DNAL4: variants seen among roughly 807,000 people sequenced by gnomAD.
DNAL4 encodes the protein dynein axonemal light chain 4.
In DNAL4, 10 loss-of-function variants were observed where a neutral mutation model predicts 12.6. The ratio of observed to expected loss-of-function variants is 0.79; its 90% CI spans 0.49 to 1.34. The LOEUF (loss-of-function observed/expected upper bound fraction) is 1.34, where lower values mean the gene tolerates loss of function less well. Ranked by LOEUF, DNAL4 falls within the 40% of genes most tolerant of loss-of-function variation. The probability of loss-of-function intolerance (pLI) is 0.00; values close to 1 mark genes in which losing one functional copy is unlikely to be tolerated. For missense variants in DNAL4, 128 were observed against 138.1 expected (o/e 0.93, Z 0.37); for synonymous variants, 46 against 53.1 (o/e 0.87, Z 0.58).
intron 3 of DNAL4, 49 bp downstream of exon 3, chr22:38,780,877 C>T: frequency 6.3e-7 from 1 of 1,596,068 alleles, no homozygotes; most frequent in South Asian, 1.1e-5. Flanking sequence ...TTTATTCACC[C>T]ACAGGGGCCA....
intron 1 of DNAL4, among the ~76,000 whole-genome samples, chr22:38,787,085 C>T (rs1384855059): frequency 6.6e-6 from 1 of 152,078 alleles, no homozygotes; most frequent in African/African-American, 2.4e-5. Context: ...TACCACCCAC[C>T]ATGCACCTGA....
chr22:38,789,031 G>C (rs187352090), intron 1 of DNAL4, among the ~76,000 whole-genome samples: 66 of 152,248 alleles, frequency 4.3e-4, no homozygotes, highest in Non-Finnish European at 8.8e-5. Context: ...CATGGGAGGG[G>C]AGAGGACCTA....
intron 2 of DNAL4, among the ~76,000 whole-genome samples, chr22:38,781,278 C>CCGG (rs1232312055): frequency 6.6e-6 from 1 of 152,252 alleles, no homozygotes; most frequent in Admixed American, 6.5e-5. Context: ...GGGAAGAAAG[C>CCGG]CGGCTGAGGG....
chr22:38,781,174 C>A (rs1443364833), intron 2 of DNAL4, among the ~76,000 whole-genome samples, 165 bp from the exon 3 acceptor site: 1 of 152,244 alleles, frequency 6.6e-6, no homozygotes, highest in Non-Finnish European at 1.5e-5. Flanking sequence ...GCAGCTGGGG[C>A]AAAGGCATGG....
intron 1 of DNAL4, among the ~76,000 whole-genome samples, chr22:38,792,375 C>A (rs766033998): frequency 1.8e-4 from 27 of 152,180 alleles, no homozygotes; most frequent in African/African-American, 6.5e-4. Context: ...CTCCACCTCC[C>A]GGGTTCACGC....
intron 1 of DNAL4, among the ~76,000 whole-genome samples, chr22:38,784,426 G>C (rs1186665004): frequency 6.6e-6 from 1 of 151,966 alleles, no homozygotes; most frequent in Non-Finnish European, 1.5e-5. Context: ...GCATACATCA[G>C]CTGCCCACTG....
intron 1 of DNAL4, among the ~76,000 whole-genome samples, chr22:38,790,087 A>G (rs558628707): frequency 6.6e-6 from 1 of 152,168 alleles, no homozygotes; most frequent in South Asian, 2.1e-4. Flanking sequence ...TCCTGGACTC[A>G]AGTGATGCTC....
intron 1 of DNAL4, among the ~76,000 whole-genome samples, chr22:38,783,640 C>T (rs1031391302): frequency 6.6e-6 from 1 of 152,226 alleles, no homozygotes. Flanking sequence ...TGGGTCCTGT[C>T]CTGCTGGCCC....
At position 38,779,303 on chromosome 22, in the gene DNAL4, G is replaced by C; in HGVS notation, c.*146C>G. The C allele has an allele frequency of 9.4e-7, 1 of 1,068,150 alleles. No homozygotes were observed. 66.2% of individuals were successfully genotyped at this position (1,068,150 alleles called of 1,614,324 possible). A position where few individuals can be genotyped will look rare whatever the true frequency, so the allele number is the denominator to read the frequency against. On this transcript the variant is annotated 3_prime_UTR_variant, in exon 4 of 4. Transcript: ENST00000216068. The surrounding 1 kb of genome is among the most constrained non-coding windows in gnomAD (Gnocchi z 4.3). The stretch of plus-strand genomic sequence containing the variant: ...ATGGAGATGTCAAGTTCACACACTG[G>C]GCGTGGCTCAGGAAACTGGTACACA...
rs373776976 is a variant in DNAL4, at chr22:38,779,611, G to A, written c.156C>T (p.Ser52=). The change falls in exon 4 of 4, where the codon AGC becomes AGT. Residue 52 remains serine (S), a splice_region_variant and synonymous_variant. Transcript: ENST00000216068. The surrounding 1 kb of genome is among the most constrained non-coding windows in gnomAD (Gnocchi z 4.3). Reference sequence around the variant, plus strand: ...TTGTCTCTTTGATCATCTTGGCGGCGCTCTGGAAGGAAGAGGGCACTTATC... The same window carrying A: ...TTGTCTCTTTGATCATCTTGGCGGCACTCTGGAAGGAAGAGGGCACTTATC... ...ACEKFSNNNE[S]AAKMIKETMD... is the part of the protein sequence containing the mutation. 3.4e-5 allele frequency: 55 copies of A among 1,595,816 alleles called. No individual in the cohort carries two copies. In the East Asian group the frequency reaches 5.9e-4, roughly 17 times the overall value.
chr22:38,784,756 G>A (rs937474378), intron 1 of DNAL4, among the ~76,000 whole-genome samples: 4 of 151,978 alleles, frequency 2.6e-5, no homozygotes, highest in African/African-American at 4.8e-5. Context: ...CTCGTGATCC[G>A]CCCACCTCAG....
At chr22:38,784,982 C>CCG (rs1556022793) in intron 1 of DNAL4, among the ~76,000 whole-genome samples, 1 of 150,344 alleles carries the variant, frequency 6.7e-6, no homozygotes, top group Non-Finnish European at 1.5e-5. Flanking sequence ...CAGACCCCCC[C>CCG]CCCCATCCAA....
At chr22:38,781,234 A>G (rs1438927153) in intron 2 of DNAL4, among the ~76,000 whole-genome samples, 1 of 152,250 alleles carries the variant, frequency 6.6e-6, no homozygotes, top group Non-Finnish European at 1.5e-5. Context: ...CTGCAAGGGC[A>G]CGAAGCCAGC....
At chr22:38,783,553 T>C (rs896192872) in intron 1 of DNAL4, among the ~76,000 whole-genome samples, 1 of 152,240 alleles carries the variant, frequency 6.6e-6, no homozygotes, top group East Asian at 1.9e-4. Flanking sequence ...TTCAGGGGAA[T>C]GGGCACGGTG....
At chr22:38,789,437 G>A (rs554710359) in intron 1 of DNAL4, among the ~76,000 whole-genome samples, 68 of 151,990 alleles carry the variant, frequency 4.5e-4, no homozygotes, top group Admixed American at 3.7e-3. Flanking sequence ...CACCATACTC[G>A]GCTAATTTTT....
At position 38,778,979 on chromosome 22, in the gene DNAL4, C is replaced by A. The variant is rs1218197939; in HGVS notation, c.*470G>T. 1 of 153,050 alleles carries A rather than the reference C, an allele frequency of 6.5e-6. No individual in the cohort carries two copies. Among genetic ancestry groups the A allele is most frequent in the Non-Finnish European group, 1.5e-5 (1 of 68,632 alleles). The allele number at this position is 153,050 out of a possible 1,614,324, so 9.5% of individuals were successfully genotyped here. On this transcript the variant is annotated 3_prime_UTR_variant, in exon 4 of 4. Coordinates refer to ENST00000216068, the MANE Select transcript of DNAL4 (RefSeq NM_005740.3). ...CCTCCCCAGAGGACAAGGAGAGAAGCTGCCTGTGTCCCTTGAAAGAATCAT... is the reference window on the plus strand; with the variant it reads ...CCTCCCCAGAGGACAAGGAGAGAAGATGCCTGTGTCCCTTGAAAGAATCAT...
intron 1 of DNAL4, among the ~76,000 whole-genome samples, chr22:38,784,534 G>A (rs1346153316): frequency 2.7e-5 from 4 of 146,558 alleles, no homozygotes; most frequent in Non-Finnish European, 4.5e-5. Context: ...TTCTTGAGAC[G>A]GAGTCTCACT....
In DNAL4 at chr22:38,782,717, TTC is replaced by T; in HGVS notation, c.13_14del (p.Glu5ArgfsTer5). 1 of 1,611,362 alleles carries T rather than the reference TTC, an allele frequency of 6.2e-7. No individual in the cohort carries two copies. Among genetic ancestry groups the T allele is most frequent in the Non-Finnish European group, 8.5e-7 (1 of 1,178,522 alleles). On this transcript the variant is annotated frameshift_variant, in exon 2 of 4. Coordinates refer to ENST00000216068, the MANE Select transcript of DNAL4 (RefSeq NM_005740.3). LOFTEE classifies it high-confidence loss of function. This position sits in a 1 kb window ranked among gnomAD's most constrained non-coding sequence, Gnocchi z 5.1. ...TATAATCAGCCTCATCTTTCTTCCC[TTC>T]TGTTTCTCCCATGATCCTTCCACTG... MGET[E>X]GKKDEADYKR...
At position 38,779,850 on chromosome 22, in the gene DNAL4, G is replaced by C. The variant is rs1176355972; in HGVS notation, c.154-237C>G. On this transcript the variant is annotated intron_variant, in intron 3 of 3. Coordinates refer to ENST00000216068, the MANE Select transcript of DNAL4 (RefSeq NM_005740.3). This position sits in a 1 kb window ranked among gnomAD's most constrained non-coding sequence, Gnocchi z 4.3. ...CAGCAGTCAAGAAGAAACTGGCTGA[G>C]GCGGGAAGGCAAGCATCAGGTCTGG... Among the ~76,000 whole-genome samples the C allele has an allele frequency of 6.6e-6, 1 of 152,206 alleles. No individual in the cohort carries two copies. The highest frequency in any genetic ancestry group is 1.5e-5 in the Non-Finnish European group (1 of 68,042).
Sources: allele counts gnomAD v4.1 joint callset (sites outside exome capture counted in the v4.1 genomes callset), GRCh38; gene constraint gnomAD v4.1.1; non-coding constraint Gnocchi (gnomAD v3.1); transcripts MANE v1.5; gene names NCBI Gene and HGNC (gene_info 2026-07-23, HGNC 2026-07-21).